The following BEND5 variants were observed in gnomAD, a reference collection of about 807,000 sequenced individuals.
BEND5 encodes the protein BEN domain containing 5, also known as BEN domain-containing protein 5.
BEND5 carries 22 observed loss-of-function variants against 43.9 expected under a neutral mutation model. That is an observed-to-expected ratio of 0.50 (90% CI 0.36 to 0.72). The LOEUF is 0.72. Ranked by LOEUF, BEND5 falls within the 30% of genes least tolerant of loss-of-function variation. BEND5 has a pLI of 0.00. For synonymous variants in BEND5, 228 were observed against 225.9 expected (o/e 1.01, Z -0.08); for missense variants, 428 against 550.6 (o/e 0.78, Z 2.23).
rs964008968 is a variant in BEND5 at position 48,742,712 on chromosome 1, G to A, written c.805C>T (p.Arg269Trp). 1.9e-6 allele frequency: 3 copies of A among 1,610,806 alleles called. No homozygotes were observed. Among genetic ancestry groups the A allele is most frequent in the East Asian group, 2.2e-5 (1 of 44,680 alleles). Residue 269 changes from arginine (R) to tryptophan (W), a missense_variant, in exon 4 of 6, where the codon CGG becomes TGG. Coordinates refer to ENST00000371833, the MANE Select transcript of BEND5 (RefSeq NM_024603.4). ...TTTGCTTCCTCACTGAAAGTGCTCC[G>A]TAACTCCGGCTCGGGCTCGAGACAT... ...SECLEPEPEL[R>W]STFSEEANTS...
intron 1 of BEND5, among the ~76,000 whole-genome samples, chr1:48,776,342 GAC>G (rs1051983071): frequency 6.6e-6 from 1 of 152,202 alleles, no homozygotes; most frequent in African/African-American, 2.4e-5. Context: ...GAGGAGGACA[GAC>G]ACAGATGAAG....
intron 1 of BEND5, 140 bp downstream of exon 1, chr1:48,776,466 A>T (rs1044888800): frequency 7.8e-6 from 5 of 640,186 alleles, no homozygotes; most frequent in Non-Finnish European, 1.2e-5. Context: ...TTCCCAAATG[A>T]AATGCCCAGA....
At chr1:48,767,694 C>T (rs750038520) in intron 1 of BEND5, among the ~76,000 whole-genome samples, 11 of 152,170 alleles carry the variant, frequency 7.2e-5, no homozygotes, top group East Asian at 1.9e-4. Flanking sequence ...TTTACTCAGC[C>T]GGTCTGTGCA....
intron 3 of BEND5, among the ~76,000 whole-genome samples, chr1:48,744,041 G>T (rs1417865400): frequency 6.6e-6 from 1 of 152,212 alleles, no homozygotes. Context: ...TCCTGGTAGA[G>T]ATTTCAGGTC....
chr1:48,759,431 C>T (rs1644136408), intron 2 of BEND5, 147 bp from the exon 3 acceptor site: 1 of 1,323,512 alleles, frequency 7.6e-7, no homozygotes, highest in Non-Finnish European at 9.9e-7. Flanking sequence ...TAGTCAAAGC[C>T]CTTCATTTTA....
In BEND5 at chr1:48,759,175, T is replaced by A. The variant is rs1465808174; in HGVS notation, c.470A>T (p.Glu157Val). Residue 157 changes from glutamate to valine, a missense_variant, in exon 3 of 6, where the codon GAA (glutamate) becomes GTA (valine). Physicochemically the swap from Glu to Val is moderately radical, Grantham distance 121. Coordinates refer to ENST00000371833, the MANE Select transcript of BEND5 (RefSeq NM_024603.4). ...TGGCGAGGCCTCCACGAAGACCTCT[T>A]CCGGACACGTGCTATGGCCCAGGCT... is the stretch of plus-strand genomic sequence containing the variant. ...GLSLGHSTCP[E>V]EVFVEASPGT... 4 of 1,613,928 alleles carry A rather than the reference T, an allele frequency of 2.5e-6. No individual in the cohort carries two copies. In the African/African-American group the frequency reaches 5.3e-5, roughly 22 times the overall value.
At chr1:48,742,512 C>T in intron 4 of BEND5, 111 bp downstream of exon 4, 1 of 1,171,914 alleles carries the variant, frequency 8.5e-7, no homozygotes. Flanking sequence ...CAGGGCTAGG[C>T]CAGGAGGCCA....
At chr1:48,765,544 C>A (rs1306758439) in intron 1 of BEND5, among the ~76,000 whole-genome samples, 1 of 152,128 alleles carries the variant, frequency 6.6e-6, no homozygotes, top group Non-Finnish European at 1.5e-5. Flanking sequence ...TTACTATAAC[C>A]CAGCAATTCC....
At chr1:48,775,125 CT>C (rs1003085819) in intron 1 of BEND5, among the ~76,000 whole-genome samples, 2 of 152,136 alleles carry the variant, frequency 1.3e-5, no homozygotes, top group African/African-American at 4.8e-5. Context: ...GAATGGTTCC[CT>C]TTTCTAAAAT....
intron 3 of BEND5, among the ~76,000 whole-genome samples, chr1:48,747,080 G>C (rs1650885507): frequency 6.6e-6 from 1 of 152,172 alleles, no homozygotes; most frequent in African/African-American, 2.4e-5. Flanking sequence ...TCAGATTGCT[G>C]TTTTGCTTTT....
chr1:48,746,425 A>G (rs1347141400), intron 3 of BEND5, among the ~76,000 whole-genome samples: 2 of 152,166 alleles, frequency 1.3e-5, no homozygotes, highest in Admixed American at 1.3e-4. Context: ...CACTCTCCTC[A>G]AGGTTCACGA....
chr1:48,736,498 G>A lies in BEND5; in HGVS notation c.895-46C>T. The A allele has an allele frequency of 6.6e-7, 1 of 1,506,964 alleles. No individual in the cohort carries two copies. Among genetic ancestry groups the A allele is most frequent in the African/African-American group, 1.4e-5 (1 of 72,322 alleles). 93.3% of individuals were successfully genotyped at this position (1,506,964 alleles called of 1,614,324 possible). ...AGCACCTGTTTAGTCCGACAGGAGG[G>A]CAGTGGGAGGCTTCTCTTGTCCTTT... On this transcript the variant is annotated intron_variant, in intron 4 of 5. Transcript: ENST00000371833. The surrounding 1 kb of genome is among the most constrained non-coding windows in gnomAD (Gnocchi z 4.0).
At chr1:48,757,659 C>T (rs1228186851) in intron 3 of BEND5, among the ~76,000 whole-genome samples, 1 of 152,140 alleles carries the variant, frequency 6.6e-6, no homozygotes, top group East Asian at 1.9e-4. Flanking sequence ...GAGCCACTAC[C>T]TTGGGGATAT....
chr1:48,752,809 G>C (rs1475165859), intron 3 of BEND5, among the ~76,000 whole-genome samples: 1 of 152,036 alleles, frequency 6.6e-6, no homozygotes, highest in Non-Finnish European at 1.5e-5. Context: ...GAGTGCAGTG[G>C]CATGATCTTG....
chr1:48,731,272 T>TAA (rs74636032), intron 5 of BEND5, among the ~76,000 whole-genome samples: 7 of 145,890 alleles, frequency 4.8e-5, no homozygotes, highest in African/African-American at 1.7e-4. Context: ...CTGTCTTTAG[T>TAA]AAAAAAAAAA....
chr1:48,755,294 C>T (rs779711775), intron 3 of BEND5, among the ~76,000 whole-genome samples: 1 of 152,176 alleles, frequency 6.6e-6, no homozygotes, highest in Non-Finnish European at 1.5e-5. Context: ...ATTCGTAGGA[C>T]CCCACTACCT....
At chr1:48,761,124 T>G in intron 2 of BEND5, 1 of 535,242 alleles carries the variant, frequency 1.9e-6, no homozygotes, top group Non-Finnish European at 3.3e-6. Context: ...GGACCAAGCT[T>G]GGTGGCACAG....
chr1:48,735,389 G>A (rs369705236), intron 5 of BEND5, among the ~76,000 whole-genome samples: 230 of 152,110 alleles, frequency 1.5e-3, no homozygotes, highest in South Asian at 0.014. Flanking sequence ...ATGGATGGAG[G>A]GAGGGTGGGA....
intron 3 of BEND5, among the ~76,000 whole-genome samples, chr1:48,752,129 C>A (rs1336030289): frequency 1.3e-5 from 2 of 152,188 alleles, no homozygotes; most frequent in African/African-American, 2.4e-5. Context: ...TTAGGCCTTA[C>A]CTCCACAAGG....
Sources: allele counts gnomAD v4.1 joint callset (sites outside exome capture counted in the v4.1 genomes callset), GRCh38; gene constraint gnomAD v4.1.1; non-coding constraint Gnocchi (gnomAD v3.1); transcripts MANE v1.5; gene names NCBI Gene and HGNC (gene_info 2026-07-23, HGNC 2026-07-21).